Variants in RBMS1 observed in about 807,000 individuals in gnomAD.
The protein encoded by RBMS1 is RNA binding motif single stranded interacting protein 1.
A neutral mutation model predicts 62.3 loss-of-function variants in RBMS1; 17 were observed. The observed-to-expected ratio is 0.27, with a 90% confidence interval of 0.19 to 0.41. The LOEUF (loss-of-function observed/expected upper bound fraction) is 0.41. RBMS1 is among the 10% of genes least tolerant of loss of function. The pLI is 1.00. For synonymous variants in RBMS1, 172 were observed against 170.0 expected (o/e 1.01, Z -0.09); for missense variants, 334 against 504.5 (o/e 0.66, Z 3.24).
rs572625027 is a variant in RBMS1 at position 160,336,382 on chromosome 2, G to A, written c.252-18155C>T. Among the ~76,000 whole-genome samples, 5 of 152,254 alleles carry A rather than the reference G, an allele frequency of 3.3e-5. No homozygotes were observed. In the East Asian group the frequency reaches 9.7e-4, roughly 29 times the overall value. ...GTCATCAGTGATACTGTATGGCCTT[G>A]TTTTTTAGCGGGGAGACAACCCATG... On this transcript the variant is annotated intron_variant, in intron 2 of 13. Coordinates refer to ENST00000348849, the MANE Select transcript of RBMS1 (RefSeq NM_016836.4).
intron 12 of RBMS1, chr2:160,276,698 GCTTT>G (rs1687850846): frequency 6.6e-6 from 1 of 152,264 alleles, no homozygotes; most frequent in Non-Finnish European, 1.5e-5. Flanking sequence ...TTTCAAAACA[GCTTT>G]CTCTTTTCCA....
intron 2 of RBMS1, among the ~76,000 whole-genome samples, chr2:160,341,400 T>C (rs1691866729): frequency 6.6e-6 from 1 of 152,130 alleles, no homozygotes; most frequent in Non-Finnish European, 1.5e-5. Context: ...GGTGAGTGAC[T>C]GTGGCAGAGG....
intron 1 of RBMS1, among the ~76,000 whole-genome samples, chr2:160,378,910 A>G (rs1694139075): frequency 6.6e-6 from 1 of 152,214 alleles, no homozygotes; most frequent in South Asian, 2.1e-4. Flanking sequence ...ATTCTCTAAA[A>G]CAAACTGGTT....
At chr2:160,474,184 C>T (rs1228572826) in intron 1 of RBMS1, among the ~76,000 whole-genome samples, 2 of 152,078 alleles carry the variant, frequency 1.3e-5, no homozygotes, top group Non-Finnish European at 2.9e-5. Context: ...CAAAGTGTGG[C>T]ATATCCCATA....
At chr2:160,320,285 C>T (rs770994524) in intron 2 of RBMS1, among the ~76,000 whole-genome samples, 15 of 152,106 alleles carry the variant, frequency 9.9e-5, no homozygotes, top group Non-Finnish European at 1.5e-4. Flanking sequence ...CTGGGCAACA[C>T]GGCAAAACCC....
chr2:160,432,712 C>A (rs940978109), intron 1 of RBMS1, among the ~76,000 whole-genome samples: 6 of 151,932 alleles, frequency 3.9e-5, no homozygotes, highest in Non-Finnish European at 8.8e-5. Context: ...GATGTTTGGG[C>A]GGGGAAAAGG....
At chr2:160,390,577 C>T (rs541636910) in intron 1 of RBMS1, among the ~76,000 whole-genome samples, 28 of 151,680 alleles carry the variant, frequency 1.8e-4, no homozygotes, top group Admixed American at 1.6e-3. Context: ...ACGCCTGTGG[C>T]CCCAGCTACA....
At chr2:160,367,537 A>G in intron 1 of RBMS1, 146 bp from the exon 2 acceptor site, 2 of 1,365,348 alleles carry the variant, frequency 1.5e-6, no homozygotes, top group South Asian at 1.8e-5. Flanking sequence ...AGGTCTGTTC[A>G]TGCTACTTTA....
chr2:160,278,773 A>C (rs1645890137), intron 10 of RBMS1, 115 bp from the exon 11 acceptor site: 1 of 647,472 alleles, frequency 1.5e-6, no homozygotes, highest in Non-Finnish European at 2.7e-6. Flanking sequence ...AAGCAAAAAC[A>C]ACCTTCCTCA....
chr2:160,311,282 T>C (rs1271861656), intron 4 of RBMS1, among the ~76,000 whole-genome samples: 1 of 141,252 alleles, frequency 7.1e-6, no homozygotes, highest in Non-Finnish European at 1.6e-5. Context: ...AACTTCTTAC[T>C]CTGGAGTTTA....
intron 1 of RBMS1, among the ~76,000 whole-genome samples, chr2:160,416,644 C>T (rs553102864): frequency 6.6e-6 from 1 of 152,206 alleles, no homozygotes; most frequent in East Asian, 1.9e-4. Flanking sequence ...ACCCTCAGGT[C>T]GATCAGGCAA....
chr2:160,383,463 G>GA (rs1559479896), intron 1 of RBMS1, among the ~76,000 whole-genome samples: 2 of 147,646 alleles, frequency 1.4e-5, no homozygotes, highest in Non-Finnish European at 3.0e-5. Context: ...TGGGGGGGGG[G>GA]GAACTGACCC....
chr2:160,413,283 A>G (rs1465144844), intron 1 of RBMS1, among the ~76,000 whole-genome samples: 3 of 152,164 alleles, frequency 2.0e-5, no homozygotes. Context: ...AAACCTATTT[A>G]CTTTTGAGAG....
chr2:160,408,181 C>A (rs1695872118), intron 1 of RBMS1, among the ~76,000 whole-genome samples: 2 of 151,928 alleles, frequency 1.3e-5, no homozygotes, highest in Non-Finnish European at 2.9e-5. Context: ...TCTTTTTCCC[C>A]CTCGGTTCTT....
intron 5 of RBMS1, among the ~76,000 whole-genome samples, chr2:160,301,481 C>T (rs992400616): frequency 2.0e-5 from 3 of 152,178 alleles, no homozygotes; most frequent in African/African-American, 4.8e-5. Context: ...TTAGTTTTAA[C>T]AAACAGTGAT....
intron 1 of RBMS1, among the ~76,000 whole-genome samples, chr2:160,460,583 A>G (rs961792463): frequency 2.0e-5 from 3 of 152,182 alleles, no homozygotes; most frequent in African/African-American, 7.2e-5. Flanking sequence ...CTGCCACTAC[A>G]CAACAGTGCC....
intron 1 of RBMS1, among the ~76,000 whole-genome samples, chr2:160,466,941 C>T (rs1486750571): frequency 6.6e-6 from 1 of 152,200 alleles, no homozygotes; most frequent in Non-Finnish European, 1.5e-5. Context: ...TTATTTGCTA[C>T]AGTTGTTGAT....
At chr2:160,455,615 G>A (rs540261143) in intron 1 of RBMS1, among the ~76,000 whole-genome samples, 13 of 151,498 alleles carry the variant, frequency 8.6e-5, no homozygotes, top group African/African-American at 3.1e-4. Context: ...TCCAAGCCAA[G>A]GAAAGAAAGA....
intron 2 of RBMS1, among the ~76,000 whole-genome samples, chr2:160,361,099 T>C (rs868488222): frequency 1.3e-5 from 2 of 152,196 alleles, no homozygotes; most frequent in African/African-American, 2.4e-5. Flanking sequence ...ATTTACTGAA[T>C]CAAGAATTGG....
Sources: gnomAD v4.1 joint callset for allele counts (sites outside exome capture counted in the v4.1 genomes callset) on GRCh38, gnomAD v4.1.1 for gene constraint, MANE v1.5 for transcripts, NCBI Gene and HGNC (gene_info 2026-07-23, HGNC 2026-07-21) for gene names.